Variants in EMCN observed in about 807,000 individuals in gnomAD.
The protein encoded by EMCN is endomucin.
In EMCN, 37 loss-of-function variants were observed where a neutral mutation model predicts 38.4. That is an observed-to-expected ratio of 0.96 (90% CI 0.74 to 1.27). The LOEUF (loss-of-function observed/expected upper bound fraction) is 1.27. EMCN is among the 50% of genes most tolerant of loss of function. EMCN has a pLI of 0.00. For missense variants in EMCN, 318 were observed against 302.8 expected (o/e 1.05, Z -0.37); for synonymous variants, 95 against 100.8 (o/e 0.94, Z 0.35).
At chr4:100,457,241 A>T (rs75935912) in intron 4 of EMCN, among the ~76,000 whole-genome samples, 5,619 of 151,496 alleles carry the variant, frequency 0.037, 129 homozygotes, top group Non-Finnish European at 0.055. Flanking sequence ...TATTAATAAG[A>T]TCATGTCATC....
intron 3 of EMCN, among the ~76,000 whole-genome samples, chr4:100,472,724 A>T (rs1728509785): frequency 6.6e-6 from 1 of 152,038 alleles, no homozygotes; most frequent in African/African-American, 2.4e-5. Context: ...CTGTTTTCAA[A>T]ACTTAATACG....
At chr4:100,495,300 G>A (rs940141160) in intron 1 of EMCN, among the ~76,000 whole-genome samples, 4 of 151,862 alleles carry the variant, frequency 2.6e-5, no homozygotes, top group African/African-American at 7.3e-5. Context: ...GACAAGCAGA[G>A]GATAATCATA....
At chr4:100,473,012 T>G (rs1451747284) in intron 3 of EMCN, among the ~76,000 whole-genome samples, 3 of 66,650 alleles carry the variant, frequency 4.5e-5, no homozygotes, top group African/African-American at 9.4e-5. Flanking sequence ...ATATATATTA[T>G]ATATATATAT....
chr4:100,416,343 A>G (rs576180713), intron 9 of EMCN, among the ~76,000 whole-genome samples: 7 of 152,316 alleles, frequency 4.6e-5, no homozygotes, highest in East Asian at 1.9e-4. Flanking sequence ...AGAGGAAGAC[A>G]TAGAAATGTT....
chr4:100,485,238 A>G (rs1728910939), intron 1 of EMCN, among the ~76,000 whole-genome samples: 1 of 152,152 alleles, frequency 6.6e-6, no homozygotes, highest in African/African-American at 2.4e-5. Flanking sequence ...ACAAATTTAT[A>G]TGGTCTTCAT....
chr4:100,459,176 T>G (rs1728101148), intron 4 of EMCN, among the ~76,000 whole-genome samples: 1 of 722 alleles, frequency 1.4e-3, no homozygotes, highest in African/African-American at 0.014. Flanking sequence ...ATGCTCTCTC[T>G]CTCTCTCTCT....
chr4:100,470,635 A>G (rs965794080), intron 3 of EMCN, among the ~76,000 whole-genome samples: 1 of 152,012 alleles, frequency 6.6e-6, no homozygotes, highest in Non-Finnish European at 1.5e-5. Context: ...ATCAACCTAA[A>G]TGACCCATCA....
At chr4:100,413,809 A>G (rs1301579561) in intron 10 of EMCN, among the ~76,000 whole-genome samples, 2 of 152,196 alleles carry the variant, frequency 1.3e-5, no homozygotes, top group East Asian at 1.9e-4. Flanking sequence ...ATATCTTACT[A>G]TTTCCATGGT....
intron 5 of EMCN, among the ~76,000 whole-genome samples, chr4:100,440,548 A>C (rs948282608): frequency 6.6e-6 from 1 of 151,982 alleles, no homozygotes; most frequent in Non-Finnish European, 1.5e-5. Flanking sequence ...ACTCCATCCA[A>C]ATATCTGCAA....
At chr4:100,494,832 G>A (rs1360517423) in intron 1 of EMCN, among the ~76,000 whole-genome samples, 2 of 151,792 alleles carry the variant, frequency 1.3e-5, no homozygotes, top group Non-Finnish European at 2.9e-5. Flanking sequence ...GAGAAAAAAG[G>A]TCAAGAAAAA....
chr4:100,514,474 C>T (rs772814283), intron 1 of EMCN, among the ~76,000 whole-genome samples: 26 of 152,042 alleles, frequency 1.7e-4, no homozygotes, highest in Non-Finnish European at 2.5e-4. Flanking sequence ...TTTTATTTCT[C>T]TTGACTCCAG....
chr4:100,473,079 A>G (rs1414643441), intron 3 of EMCN, among the ~76,000 whole-genome samples: 4 of 148,062 alleles, frequency 2.7e-5, no homozygotes, highest in Non-Finnish European at 4.5e-5. Flanking sequence ...CAGTGGCCCA[A>G]TCTCGGCTCA....
At chr4:100,429,110 C>T (rs72919556) in intron 5 of EMCN, among the ~76,000 whole-genome samples, 7,030 of 152,028 alleles carry the variant, frequency 0.046, 574 homozygotes, top group African/African-American at 0.16. Context: ...AGTAAACAGG[C>T]CCCTTCTAAG....
chr4:100,402,899 A>T (rs2110204342), intron 11 of EMCN, among the ~76,000 whole-genome samples: 1 of 152,082 alleles, frequency 6.6e-6, no homozygotes, highest in East Asian at 1.9e-4. Flanking sequence ...GCATTTTGGT[A>T]ATTTAAAAAA....
chr4:100,507,966 G>T (rs1729527176), intron 1 of EMCN, among the ~76,000 whole-genome samples: 1 of 152,036 alleles, frequency 6.6e-6, no homozygotes, highest in Non-Finnish European at 1.5e-5. Context: ...ATCCCTAACT[G>T]AAAAATCTCT....
intron 7 of EMCN, among the ~76,000 whole-genome samples, chr4:100,422,176 G>T (rs1726906925): frequency 6.6e-6 from 1 of 152,010 alleles, no homozygotes; most frequent in Admixed American, 6.6e-5. Context: ...ATATTTATCA[G>T]GGGTGAGACT....
Position 100,417,058 on chromosome 4 carries a change from A to G in EMCN, c.689+59T>C, listed in dbSNP as rs1344100474. ...TCCAAAAAAGTATAAGTAGAGTAAC[A>G]ATAATTTTCACTACGTAAATGGTAG... On this transcript the variant is annotated intron_variant, in intron 9 of 11. Coordinates refer to ENST00000296420, the MANE Select transcript of EMCN (RefSeq NM_016242.4). 2.0e-6 allele frequency: 3 copies of G among 1,529,930 alleles called. No individual in the cohort carries two copies. In the African/African-American group the frequency reaches 4.1e-5, roughly 21 times the overall value. The allele number at this position is 1,529,930 out of a possible 1,614,324, so 94.8% of individuals were successfully genotyped here. A position where few individuals can be genotyped will look rare whatever the true frequency, so the allele number is the denominator to read the frequency against.
intron 4 of EMCN, among the ~76,000 whole-genome samples, chr4:100,454,922 A>G (rs1030540841): frequency 2.6e-5 from 4 of 152,118 alleles, no homozygotes; most frequent in African/African-American, 9.7e-5. Context: ...TGTTTTTAAT[A>G]AATTTATACT....
chr4:100,468,108 G>T (rs1728374150), intron 3 of EMCN, among the ~76,000 whole-genome samples: 1 of 152,266 alleles, frequency 6.6e-6, no homozygotes, highest in East Asian at 1.9e-4. Context: ...AAAACATAAT[G>T]AATTTATCCA....
Sources: gnomAD v4.1 joint callset for allele counts (sites outside exome capture counted in the v4.1 genomes callset) on GRCh38, gnomAD v4.1.1 for gene constraint, MANE v1.5 for transcripts, NCBI Gene and HGNC (gene_info 2026-07-23, HGNC 2026-07-21) for gene names.